BBX: variants seen among roughly 807,000 people sequenced by gnomAD.
BBX encodes the protein BBX high mobility group box domain containing, also known as HMG box transcription factor BBX.
Under a neutral mutation model 100.2 loss-of-function variants are expected in BBX, and 30 were observed. The observed-to-expected ratio is 0.30, with a 90% CI of 0.22 to 0.41. BBX has a LOEUF of 0.41. Among genes scored for constraint, BBX ranks in the 10% least tolerant of loss-of-function variants. The pLI, the probability that BBX is intolerant of heterozygous loss-of-function variation, is 1.00. For missense variants in BBX, 1,023 were observed against 1,129.8 expected, an observed-to-expected ratio of 0.91 and a Z score of 1.35; for synonymous variants, 376 against 388.1, an observed-to-expected ratio of 0.97 and a Z score of 0.37.
At chr3:107,591,701 G>A (rs540037611) in intron 2 of BBX, among the ~76,000 whole-genome samples, 20 of 152,110 alleles carry the variant, frequency 1.3e-4, no homozygotes, top group African/African-American at 4.6e-4. Context: ...TTGCCTAGGC[G>A]GGTCTTGAAC....
In BBX at chr3:107,809,249, A is replaced by G. The variant is rs2071197674; in HGVS notation, c.*3792A>G. The G allele has an allele frequency of 6.6e-6, 1 of 152,218 alleles. No homozygotes were observed. Among genetic ancestry groups the G allele is most frequent in the Non-Finnish European group, 1.5e-5 (1 of 68,044 alleles). 9.4% of individuals were successfully genotyped at this position (152,218 alleles called of 1,614,324 possible). On this transcript the variant is annotated 3_prime_UTR_variant, in exon 18 of 18. Coordinates refer to ENST00000325805, the MANE Select transcript of BBX (RefSeq NM_001142568.3). ...GAAAATACCAAAAAACTCTGTTCCA[A>G]GTTTGGCATTTGACATTAATGTGAA... is the stretch of plus-strand genomic sequence containing the variant.
At chr3:107,645,627 ACTGT>A (rs1432578568) in intron 2 of BBX, among the ~76,000 whole-genome samples, 2 of 151,964 alleles carry the variant, frequency 1.3e-5, no homozygotes, top group African/African-American at 4.8e-5. Context: ...AATTTTAGTG[ACTGT>A]CTTTTTGTTA....
Position 107,795,964 on chromosome 3 carries a change from T to G in BBX, c.2354-2559T>G, listed in dbSNP as rs184781605. On this transcript the variant is annotated intron_variant, in intron 15 of 17. Coordinates refer to ENST00000325805, the MANE Select transcript of BBX (RefSeq NM_001142568.3). The stretch of plus-strand genomic sequence containing the variant: ...AAAACAGTGCTAGTCACAGGAGTAC[T>G]GTTTCCCAGCCTATGACTCTGGAGC... Among the ~76,000 whole-genome samples the G allele has an allele frequency of 5.6e-4, 86 of 152,348 alleles. No homozygotes were observed. The East Asian group carries it at 0.016, about 28-fold the overall frequency.
rs77351307 is a variant in BBX at position 107,711,197 on chromosome 3, A to C, written c.162+575A>C. 7.4e-3 allele frequency: 2,903 copies of C among 393,428 alleles called. 75 individuals are homozygous for C. Among genetic ancestry groups the C allele is most frequent in the African/African-American group, 0.057 (2,671 of 46,780 alleles). The allele number at this position is 393,428 out of a possible 1,614,324, so 24.4% of individuals were successfully genotyped here. Reference sequence around the variant, plus strand: ...CGTCCCACCCAACTCATTCAAAGTCAAAAGATTTTCTTCATGGCACTTATT... The same window carrying C: ...CGTCCCACCCAACTCATTCAAAGTCCAAAGATTTTCTTCATGGCACTTATT... On this transcript the variant is annotated intron_variant, in intron 4 of 17. Coordinates refer to ENST00000325805, the MANE Select transcript of BBX (RefSeq NM_001142568.3).
intron 3 of BBX, among the ~76,000 whole-genome samples, chr3:107,675,143 C>A (rs2059216705): frequency 6.6e-6 from 1 of 152,036 alleles, no homozygotes; most frequent in South Asian, 2.1e-4. Context: ...TAGGAAGATC[C>A]AGATTAAAGT....
intron 3 of BBX, among the ~76,000 whole-genome samples, chr3:107,699,310 A>G (rs1037282853): frequency 6.6e-6 from 1 of 151,786 alleles, no homozygotes; most frequent in Non-Finnish European, 1.5e-5. Context: ...GTGGGAGTGC[A>G]TGGCAAGCTC....
At chr3:107,779,297 T>A (rs1253604230) in intron 13 of BBX, among the ~76,000 whole-genome samples, 1 of 151,842 alleles carries the variant, frequency 6.6e-6, no homozygotes, top group Non-Finnish European at 1.5e-5. Flanking sequence ...CATCTTGCCC[T>A]TCAAGCACAG....
chr3:107,628,824 A>G (rs2056370078), intron 2 of BBX, among the ~76,000 whole-genome samples: 1 of 152,186 alleles, frequency 6.6e-6, no homozygotes, highest in South Asian at 2.1e-4. Context: ...TATTAAAATA[A>G]AATGGGAACT....
chr3:107,744,617 T>TTC lies in BBX; in HGVS notation c.670-11_670-10dup. On this transcript the variant is annotated splice_polypyrimidine_tract_variant and intron_variant, in intron 7 of 17. Transcript: ENST00000325805. ...TAGTACAAAAGAAAATATGATATCT[T>TTC]TCTTTGTTTCAGGTATCCTCTGGCA... 3.1e-6 allele frequency: 5 copies of TTC among 1,606,236 alleles called. No individual in the cohort carries two copies. The highest frequency in any genetic ancestry group is 3.4e-6 in the Non-Finnish European group (4 of 1,173,192).
At chr3:107,656,559 T>C (rs889719662) in intron 3 of BBX, among the ~76,000 whole-genome samples, 1 of 152,226 alleles carries the variant, frequency 6.6e-6, no homozygotes, top group Non-Finnish European at 1.5e-5. Flanking sequence ...TTGAGAAATC[T>C]AAACCTTTCC....
chr3:107,565,759 G>A (rs1444008426), intron 2 of BBX, among the ~76,000 whole-genome samples: 3 of 148,940 alleles, frequency 2.0e-5, no homozygotes, highest in Non-Finnish European at 4.5e-5. Context: ...GCCCAACCTA[G>A]TTTTTTTTTT....
At chr3:107,753,401 C>T (rs559270006) in intron 9 of BBX, among the ~76,000 whole-genome samples, 6 of 152,118 alleles carry the variant, frequency 3.9e-5, no homozygotes, top group Non-Finnish European at 4.4e-5. Flanking sequence ...GAACCTCCCC[C>T]CACACATGCC....
At chr3:107,766,446 A>G (rs1377988809) in intron 10 of BBX, among the ~76,000 whole-genome samples, 5 of 152,246 alleles carry the variant, frequency 3.3e-5, no homozygotes, top group Admixed American at 6.5e-5. Context: ...AGCTACATAA[A>G]GAAATTGGCT....
chr3:107,752,785 A>G (rs1425495362), intron 9 of BBX, among the ~76,000 whole-genome samples: 1 of 152,168 alleles, frequency 6.6e-6, no homozygotes, highest in Non-Finnish European at 1.5e-5. Context: ...TAAGAAGCAT[A>G]CCCATGAACA....
At position 107,798,597 on chromosome 3, in the gene BBX, C is replaced by G. The variant is rs1268871524; in HGVS notation, c.2428C>G (p.Pro810Ala). 1.2e-6 allele frequency: 2 copies of G among 1,614,054 alleles called. No homozygotes were observed. Among genetic ancestry groups the G allele is most frequent in the East Asian group, 2.2e-5 (1 of 44,876 alleles). ...VKNIPSIFNT[P>A]EPTTTQEPLV... Reference sequence around the variant, plus strand: ...AAATATCCCATCCATTTTCAACACTCCAGAGCCAACAACAACGCAAGAACC... The same window carrying G: ...AAATATCCCATCCATTTTCAACACTGCAGAGCCAACAACAACGCAAGAACC... Residue 810 changes from proline (P) to alanine (A), a missense_variant, in exon 16 of 18, where the codon CCA (proline) becomes GCA (alanine). Coordinates refer to ENST00000325805, the MANE Select transcript of BBX (RefSeq NM_001142568.3).
chr3:107,570,371 T>C (rs752256383), intron 2 of BBX, among the ~76,000 whole-genome samples: 1 of 152,112 alleles, frequency 6.6e-6, no homozygotes, highest in Non-Finnish European at 1.5e-5. Context: ...GGTAATAAAA[T>C]GCATATTGAG....
At chr3:107,529,547 G>A (rs957251923) in intron 2 of BBX, among the ~76,000 whole-genome samples, 3 of 152,218 alleles carry the variant, frequency 2.0e-5, no homozygotes, top group African/African-American at 7.2e-5. Flanking sequence ...GAGACTGAAT[G>A]GAGGCTCTTC....
chr3:107,535,822 C>T (rs1207061657), intron 2 of BBX, among the ~76,000 whole-genome samples: 1 of 152,218 alleles, frequency 6.6e-6, no homozygotes, highest in Non-Finnish European at 1.5e-5. Flanking sequence ...AGGTCTTCAA[C>T]TCCTGGCCTC....
intron 3 of BBX, among the ~76,000 whole-genome samples, chr3:107,670,351 C>T (rs112417773): frequency 2.0e-5 from 3 of 152,104 alleles, no homozygotes; most frequent in Admixed American, 6.6e-5. Flanking sequence ...GGAATAAGTT[C>T]TAGTGTAATA....
Sources: allele counts gnomAD v4.1 joint callset (sites outside exome capture counted in the v4.1 genomes callset), GRCh38; gene constraint gnomAD v4.1.1; transcripts MANE v1.5; gene names NCBI Gene and HGNC (gene_info 2026-07-23, HGNC 2026-07-21).